Variants in CD164L2 observed in about 807,000 individuals in gnomAD.
CD164L2 encodes the protein CD164 sialomucin-like 2 protein.
In CD164L2, 21 loss-of-function variants were observed where a neutral mutation model predicts 23.9. That is an observed-to-expected ratio of 0.88 (90% CI 0.62 to 1.27). The LOEUF (loss-of-function observed/expected upper bound fraction) is 1.27, where lower values mean the gene tolerates loss of function less well. CD164L2 is among the 50% of genes most tolerant of loss of function. The pLI is 0.00. For synonymous variants in CD164L2, 92 were observed against 90.2 expected (o/e 1.02, Z -0.11); for missense variants, 230 against 224.8 (o/e 1.02, Z -0.15).
Position 27,379,200 on chromosome 1 carries a change from G to T in CD164L2, c.*303C>A. The T allele has an allele frequency of 1.9e-6, 1 of 534,032 alleles. No individual in the cohort carries two copies. Among genetic ancestry groups the T allele is most frequent in the Non-Finnish European group, 3.4e-6 (1 of 295,368 alleles). The allele number at this position is 534,032 out of a possible 1,614,324, so 33.1% of individuals were successfully genotyped here. A position where few individuals can be genotyped will look rare whatever the true frequency, so the allele number is the denominator to read the frequency against. On this transcript the variant is annotated 3_prime_UTR_variant, in exon 6 of 6. Transcript: ENST00000374030. ...GTGCAGTGCAGAGTTCCTTTATTTG[G>T]GGGCAGTGCCCAGGCCAGTTGGTGG...
intron 5 of CD164L2, 197 bp from the exon 6 acceptor site, chr1:27,379,706 G>T (rs1238689577): frequency 6.8e-6 from 10 of 1,461,666 alleles, no homozygotes; most frequent in Non-Finnish European, 8.2e-6. Flanking sequence ...CTAGACACAA[G>T]GCCCAGCTCC....
chr1:27,379,198 T>TG lies in CD164L2; in HGVS notation c.*304dup, dbSNP rs1276263046. On this transcript the variant is annotated 3_prime_UTR_variant, in exon 6 of 6. Coordinates refer to ENST00000374030, the MANE Select transcript of CD164L2 (RefSeq NM_001330448.1). ...AAGTGCAGTGCAGAGTTCCTTTATT[T>TG]GGGGGCAGTGCCCAGGCCAGTTGGT... 5 of 531,886 alleles carry TG rather than the reference T, an allele frequency of 9.4e-6. No homozygotes were observed. The African/African-American group carries it at 9.5e-5, about 10-fold the overall frequency. 32.9% of individuals were successfully genotyped at this position (531,886 alleles called of 1,614,324 possible). A position where few individuals can be genotyped will look rare whatever the true frequency, so the allele number is the denominator to read the frequency against.
rs1230715748 is a variant in CD164L2, at chr1:27,381,798, G to C, written c.355C>G (p.Pro119Ala). ...TACTCACCTGTTGTGACTGTCTTCG[G>C]TTCATAGGTGGGGTGGTGGTGAGCA... ...PAAHHHPTYE[P>A]KTVTTGSPPV... The change falls in exon 4 of 6, where the codon CCG becomes GCG. Residue 119 changes from proline to alanine, a missense_variant. Transcript: ENST00000374030. The C allele has an allele frequency of 1.2e-6, 2 of 1,613,998 alleles. No homozygotes were observed. The highest frequency in any genetic ancestry group is 1.7e-6 in the Non-Finnish European group (2 of 1,179,948).
Position 27,379,526 on chromosome 1 carries a change from G to A in CD164L2, c.519-17C>T. 2 of 1,550,418 alleles carry A rather than the reference G, an allele frequency of 1.3e-6. No homozygotes were observed. The highest frequency in any genetic ancestry group is 2.4e-5 in the South Asian group (2 of 84,062). ...GGTCAGATTCTGCAGAGGCCAAAGAGGACACTCAGGAAGGTGACACTGCCT... is the reference window on the plus strand; with the variant it reads ...GGTCAGATTCTGCAGAGGCCAAAGAAGACACTCAGGAAGGTGACACTGCCT... On this transcript the variant is annotated splice_polypyrimidine_tract_variant and intron_variant, in intron 5 of 5. Coordinates refer to ENST00000374030, the MANE Select transcript of CD164L2 (RefSeq NM_001330448.1).
At chr1:27,382,124 C>G in intron 3 of CD164L2, 1 of 1,512,998 alleles carries the variant, frequency 6.6e-7, no homozygotes, top group Non-Finnish European at 8.9e-7. Flanking sequence ...ACTCCCATCC[C>G]CTCCACACAC....
At chr1:27,379,905 G>C in intron 5 of CD164L2, 146 bp downstream of exon 5, 1 of 1,513,148 alleles carries the variant, frequency 6.6e-7, no homozygotes, top group African/African-American at 1.4e-5. Flanking sequence ...GAGACAAAAG[G>C]GGTGTGGCTC....
chr1:27,381,105 TG>T (rs536706793), intron 4 of CD164L2, among the ~76,000 whole-genome samples: 184 of 152,198 alleles, frequency 1.2e-3, no homozygotes, highest in Non-Finnish European at 2.3e-3. Flanking sequence ...TCTGACAATA[TG>T]AAGGGCAAAC....
rs541017022 is a variant in CD164L2 at position 27,379,790 on chromosome 1, G to A, written c.518+261C>T. 4.2e-6 allele frequency: 6 copies of A among 1,434,966 alleles called. No individual in the cohort carries two copies. In the East Asian group the frequency reaches 1.3e-4, roughly 30 times the overall value. 88.9% of individuals were successfully genotyped at this position (1,434,966 alleles called of 1,614,324 possible). Reference sequence around the variant, plus strand: ...CTACTGGTTCTCTTCCCTGCTGGCAGCATGAAGGGAAAAGACACAGGAGGG... The same window carrying A: ...CTACTGGTTCTCTTCCCTGCTGGCAACATGAAGGGAAAAGACACAGGAGGG... On this transcript the variant is annotated intron_variant, in intron 5 of 5. Coordinates refer to ENST00000374030, the MANE Select transcript of CD164L2 (RefSeq NM_001330448.1).
In CD164L2 at chr1:27,379,500, G is replaced by A. The variant is rs1372795373; in HGVS notation, c.*3C>T. 33 of 1,550,146 alleles carry A rather than the reference G, an allele frequency of 2.1e-5. No individual in the cohort carries two copies. Among genetic ancestry groups the A allele is most frequent in the Non-Finnish European group, 2.7e-5 (31 of 1,146,844 alleles). On this transcript the variant is annotated 3_prime_UTR_variant, in exon 6 of 6. Transcript: ENST00000374030. ...CTCAGGATGGAGTCCAGGCCCAAAG[G>A]GGTCAGATTCTGCAGAGGCCAAAGA... is the stretch of plus-strand genomic sequence containing the variant.
chr1:27,382,700 C>G, intron 1 of CD164L2, 33 bp from the exon 2 acceptor site: 2 of 1,574,540 alleles, frequency 1.3e-6, no homozygotes, highest in Non-Finnish European at 1.7e-6. Context: ...AGGGAGAATT[C>G]CTCGAAGCCA....
rs372139710 is a variant in CD164L2, at chr1:27,379,452, C to T, written c.*51G>A. The T allele has an allele frequency of 4.3e-4, 644 of 1,510,416 alleles. 11 individuals carry two copies. In the South Asian group the frequency reaches 7.4e-3, roughly 17 times the overall value. The allele number at this position is 1,510,416 out of a possible 1,614,324, so 93.6% of individuals were successfully genotyped here. A position where few individuals can be genotyped will look rare whatever the true frequency, so the allele number is the denominator to read the frequency against. ...CTTACCCACAAGGGTGCCCAGAGGC[C>T]ACCCTCTGCATCCTCCTTTCCCCTC... On this transcript the variant is annotated 3_prime_UTR_variant, in exon 6 of 6. Coordinates refer to ENST00000374030, the MANE Select transcript of CD164L2 (RefSeq NM_001330448.1).
At chr1:27,381,153 G>T (rs1205045170) in intron 4 of CD164L2, among the ~76,000 whole-genome samples, 1 of 152,226 alleles carries the variant, frequency 6.6e-6, no homozygotes, top group African/African-American at 2.4e-5. Context: ...CCCCAGAGAA[G>T]GAAGCTGGGG....
At position 27,381,209 on chromosome 1, in the gene CD164L2, C is replaced by T. The variant is rs139593620; in HGVS notation, c.373+571G>A. 6.6e-5 allele frequency among the ~76,000 whole-genome samples: 10 copies of T among 152,294 alleles called. No homozygotes were observed. In the East Asian group the frequency reaches 7.7e-4, roughly 12 times the overall value. On this transcript the variant is annotated intron_variant, in intron 4 of 5. Transcript: ENST00000374030. ...AGAAATGAGCCACATGAGGCTGATC[C>T]GGGGCTCCAGCTGAGGGAGCTGAGC... is the stretch of plus-strand genomic sequence containing the variant.
intron 4 of CD164L2, among the ~76,000 whole-genome samples, chr1:27,381,259 C>G (rs967475041): frequency 1.3e-5 from 2 of 152,204 alleles, no homozygotes; most frequent in African/African-American, 4.8e-5. Context: ...CTTCTGAGAT[C>G]GGTTTCTGGC....
rs147548703 is a variant in CD164L2 at position 27,379,928 on chromosome 1, C to T, written c.518+123G>A. On this transcript the variant is annotated intron_variant, in intron 5 of 5. Coordinates refer to ENST00000374030, the MANE Select transcript of CD164L2 (RefSeq NM_001330448.1). ...AGGGGTGTGGCTCACATGGAGCACG[C>T]TGTCACCGTCCTGAGGGCTTGCCCA... The T allele has an allele frequency of 2.4e-5, 36 of 1,526,038 alleles. No homozygotes were observed. The East Asian group carries it at 8.1e-4, about 34-fold the overall frequency. 94.5% of individuals were successfully genotyped at this position (1,526,038 alleles called of 1,614,324 possible).
Position 27,379,401 on chromosome 1 carries a change from A to G in CD164L2, c.*102T>C. On this transcript the variant is annotated 3_prime_UTR_variant, in exon 6 of 6. Transcript: ENST00000374030. ...CCGCAGGAGCCAAAAACTGGCGGCC[A>G]GAGTTTTTCCCGCCCCCGCCCCCCG... 9.8e-7 allele frequency: 1 copy of G among 1,022,862 alleles called. No homozygotes were observed. The highest frequency in any genetic ancestry group is 1.5e-6 in the Non-Finnish European group (1 of 672,506). 63.4% of individuals were successfully genotyped at this position (1,022,862 alleles called of 1,614,324 possible). A position where few individuals can be genotyped will look rare whatever the true frequency, so the allele number is the denominator to read the frequency against.
intron 1 of CD164L2, 67 bp downstream of exon 1, chr1:27,383,085 C>T (rs1357663581): frequency 3.7e-6 from 5 of 1,346,760 alleles, no homozygotes; most frequent in Non-Finnish European, 5.2e-6. Context: ...CCTGGGGAGA[C>T]GGCTGGCTGA....
intron 4 of CD164L2, among the ~76,000 whole-genome samples, chr1:27,380,723 G>A (rs2016321306): frequency 6.6e-6 from 1 of 152,250 alleles, no homozygotes; most frequent in Non-Finnish European, 1.5e-5. Flanking sequence ...GGGAGAAGTG[G>A]AGGCCCCAAC....
At chr1:27,382,979 T>C (rs2016369558) in intron 1 of CD164L2, among the ~76,000 whole-genome samples, 173 bp downstream of exon 1, 1 of 151,960 alleles carries the variant, frequency 6.6e-6, no homozygotes, top group Admixed American at 6.6e-5. Context: ...GGCCTATATT[T>C]ACACACAGGG....
Sources: gnomAD v4.1 joint callset for allele counts (sites outside exome capture counted in the v4.1 genomes callset) on GRCh38, gnomAD v4.1.1 for gene constraint, MANE v1.5 for transcripts, NCBI Gene and HGNC (gene_info 2026-07-23, HGNC 2026-07-21) for gene names.